The following CSMD1 variants were observed in gnomAD, a reference collection of about 807,000 sequenced individuals.
CSMD1 encodes the protein CUB and Sushi multiple domains 1, also known as CUB and sushi domain-containing protein 1.
A neutral mutation model predicts 417.5 loss-of-function variants in CSMD1; 213 were observed. The ratio of observed to expected loss-of-function variants is 0.51; its 90% CI spans 0.46 to 0.57. The LOEUF (loss-of-function observed/expected upper bound fraction) is 0.57, where lower values mean the gene tolerates loss of function less well. CSMD1 is among the 20% of genes least tolerant of loss of function. The pLI is 0.00. For synonymous variants in CSMD1, 2,862 were observed against 1,736.8 expected (o/e 1.65, Z -16.11); for missense variants, 6,923 against 4,529.7 (o/e 1.53, Z -15.17).
intron 7 of CSMD1, among the ~76,000 whole-genome samples, chr8:3,683,759 A>T (rs1799790893): frequency 6.6e-6 from 1 of 152,110 alleles, no homozygotes; most frequent in African/African-American, 2.4e-5. Flanking sequence ...CCAGACCTAA[A>T]ATGTTATGTT....
chr8:4,413,108 A>G (rs998625377), intron 3 of CSMD1, among the ~76,000 whole-genome samples: 2 of 152,182 alleles, frequency 1.3e-5, no homozygotes, highest in East Asian at 1.9e-4. Flanking sequence ...ATGGCCCTCA[A>G]ATTAAGAAAG....
chr8:4,174,148 G>A (rs1584957479), intron 3 of CSMD1, among the ~76,000 whole-genome samples: 1 of 152,096 alleles, frequency 6.6e-6, no homozygotes, highest in Non-Finnish European at 1.5e-5. Flanking sequence ...ACCCACCAAA[G>A]GCTCGTGGCT....
intron 3 of CSMD1, among the ~76,000 whole-genome samples, chr8:4,295,635 A>G (rs1797633737): frequency 6.9e-6 from 1 of 145,358 alleles, no homozygotes; most frequent in Non-Finnish European, 1.5e-5. Flanking sequence ...ATAAACATAT[A>G]TTCATAATAT....
intron 69 of CSMD1, 147 bp downstream of exon 69, chr8:2,942,325 C>G (rs1801931816): frequency 1.3e-6 from 1 of 765,108 alleles, no homozygotes. Context: ...CCCCGGAACT[C>G]AAAATAAAAG....
chr8:4,263,656 G>A (rs1804038479), intron 3 of CSMD1, among the ~76,000 whole-genome samples: 2 of 152,084 alleles, frequency 1.3e-5, no homozygotes, highest in Non-Finnish European at 2.9e-5. Flanking sequence ...ATAACTCTAT[G>A]ACCAATATAA....
At chr8:4,479,628 G>A (rs1800980445) in intron 2 of CSMD1, among the ~76,000 whole-genome samples, 3 of 152,108 alleles carry the variant, frequency 2.0e-5, no homozygotes, top group African/African-American at 7.2e-5. Context: ...GGGTGCAGTG[G>A]CTCACGCCTG....
chr8:4,012,090 C>G (rs868179850), intron 4 of CSMD1, among the ~76,000 whole-genome samples: 1 of 152,088 alleles, frequency 6.6e-6, no homozygotes, highest in Non-Finnish European at 1.5e-5. Context: ...ATATTGTAGA[C>G]ATAGCCACAA....
chr8:4,097,999 C>G (rs531903052), intron 3 of CSMD1, among the ~76,000 whole-genome samples: 10 of 152,280 alleles, frequency 6.6e-5, no homozygotes, highest in African/African-American at 2.2e-4. Context: ...TGGAAATGAA[C>G]TCTGTCAAGA....
At chr8:3,702,073 G>A (rs1286317637) in intron 7 of CSMD1, 1 of 152,154 alleles carries the variant, frequency 6.6e-6, no homozygotes, top group African/African-American at 2.4e-5. Flanking sequence ...GAGAATTCCA[G>A]GGGCATTTAT....
chr8:3,611,675 A>G (rs1801901441), intron 8 of CSMD1, among the ~76,000 whole-genome samples: 2 of 152,160 alleles, frequency 1.3e-5, no homozygotes, highest in Admixed American at 6.6e-5. Flanking sequence ...CAGTTTTTCA[A>G]TGCTTTCAGA....
intron 1 of CSMD1, among the ~76,000 whole-genome samples, chr8:4,707,827 C>T (rs147836963): frequency 0.014 from 1,908 of 137,912 alleles, 33 homozygotes; most frequent in African/African-American, 0.049. Flanking sequence ...GGAGAGGTTG[C>T]AGTGAACCAA....
At chr8:3,202,041 G>T (rs1208404798) in intron 31 of CSMD1, among the ~76,000 whole-genome samples, 1 of 152,072 alleles carries the variant, frequency 6.6e-6, no homozygotes, top group East Asian at 1.9e-4. Context: ...GGTGGCTCAC[G>T]CCTGTAATCC....
intron 3 of CSMD1, among the ~76,000 whole-genome samples, chr8:4,240,190 C>T (rs1802306479): frequency 6.6e-6 from 1 of 152,212 alleles, no homozygotes; most frequent in Non-Finnish European, 1.5e-5. Flanking sequence ...CTGAGGTTCC[C>T]ATAACTGTGA....
chr8:3,420,744 G>A (rs1265307748), intron 12 of CSMD1, among the ~76,000 whole-genome samples: 3 of 152,136 alleles, frequency 2.0e-5, no homozygotes, highest in Admixed American at 6.5e-5. Flanking sequence ...TTTAGGCATA[G>A]GTTATGGAAT....
At chr8:3,250,436 A>G (rs1800179103) in intron 26 of CSMD1, among the ~76,000 whole-genome samples, 1 of 152,090 alleles carries the variant, frequency 6.6e-6, no homozygotes. Context: ...TATGTGCCAC[A>G]TTTTCTTAAT....
At position 4,043,631 on chromosome 8, in the gene CSMD1, G is replaced by A. The variant is rs561481912; in HGVS notation, c.416-11532C>T. 4.6e-5 allele frequency among the ~76,000 whole-genome samples: 7 copies of A among 152,286 alleles called. No individual in the cohort carries two copies. In the South Asian group the frequency reaches 1.5e-3, roughly 32 times the overall value. On this transcript the variant is annotated intron_variant, in intron 3 of 69. Transcript: ENST00000635120. Reference sequence around the variant, plus strand: ...AAACTGGAATTTCAAAAGACGAAATGCATTTTTTAATTCTAGGAGTGGTGG... The same window carrying A: ...AAACTGGAATTTCAAAAGACGAAATACATTTTTTAATTCTAGGAGTGGTGG...
intron 3 of CSMD1, among the ~76,000 whole-genome samples, chr8:4,240,900 T>A (rs1802361688): frequency 6.6e-6 from 1 of 152,240 alleles, no homozygotes; most frequent in Admixed American, 6.5e-5. Context: ...CATGTTACTG[T>A]AAAGAAAATA....
At chr8:3,962,112 C>G (rs1022083626) in intron 5 of CSMD1, among the ~76,000 whole-genome samples, 1 of 152,158 alleles carries the variant, frequency 6.6e-6, no homozygotes. Flanking sequence ...CAGCCAGGAC[C>G]TTCCTCCTCT....
chr8:3,311,152 A>C (rs894051847), intron 23 of CSMD1, among the ~76,000 whole-genome samples: 16 of 152,232 alleles, frequency 1.1e-4, no homozygotes, highest in African/African-American at 3.9e-4. Context: ...TGCTTAGGAC[A>C]GTTACCTTGG....
Sources: allele counts gnomAD v4.1 joint callset (sites outside exome capture counted in the v4.1 genomes callset), GRCh38; gene constraint gnomAD v4.1.1; transcripts MANE v1.5; gene names NCBI Gene and HGNC (gene_info 2026-07-23, HGNC 2026-07-21).